Variants in SLC25A38 observed in about 807,000 individuals in gnomAD.
SLC25A38 encodes mitochondrial glycine transporter.
In SLC25A38, 27 loss-of-function variants were observed where a neutral mutation model predicts 33.4. That is an observed-to-expected ratio of 0.81 (90% CI 0.60 to 1.11). SLC25A38 has a LOEUF of 1.11. SLC25A38 is among the 50% of genes most tolerant of loss of function. The pLI is 0.00. For missense variants in SLC25A38, 344 were observed against 388.8 expected (o/e 0.88, Z 0.97); for synonymous variants, 123 against 145.9 (o/e 0.84, Z 1.13).
chr3:39,396,165 G>A (rs552852397), intron 6 of SLC25A38, among the ~76,000 whole-genome samples: 2 of 151,928 alleles, frequency 1.3e-5, no homozygotes, highest in South Asian at 4.2e-4. Context: ...AGCCGAGATC[G>A]CGCCACTGCA....
Position 39,383,603 on chromosome 3 carries a change from G to A in SLC25A38, c.-122G>A, listed in dbSNP as rs936123566. On this transcript the variant is annotated 5_prime_UTR_variant, in exon 1 of 7. Transcript: ENST00000650617. ...TATAGGCGCAGACGTCAGAGAGCCC[G>A]CGGCTTAAAGCGCGTCGCCTGGCTA... The A allele has an allele frequency of 9.7e-6, 11 of 1,131,334 alleles. No individual in the cohort carries two copies. In the African/African-American group the frequency reaches 1.7e-4, roughly 18 times the overall value. The allele number at this position is 1,131,334 out of a possible 1,614,324, so 70.1% of individuals were successfully genotyped here. A position where few individuals can be genotyped will look rare whatever the true frequency, so the allele number is the denominator to read the frequency against.
intron 4 of SLC25A38, 37 bp downstream of exon 4, chr3:39,391,657 G>C (rs774733911): frequency 6.2e-7 from 1 of 1,614,036 alleles, no homozygotes; most frequent in Non-Finnish European, 8.5e-7. Context: ...GGATAGTTCG[G>C]CTTAGCCACT....
Position 39,383,603 on chromosome 3 carries a change from GCGGCT to G in SLC25A38, c.-121_-117del, listed in dbSNP as rs1575239873. ...TATAGGCGCAGACGTCAGAGAGCCCGCGGCTTAAAGCGCGTCGCCTGGCTAGCGCC... is the reference window on the plus strand; with the variant it reads ...TATAGGCGCAGACGTCAGAGAGCCCGTAAAGCGCGTCGCCTGGCTAGCGCC... On this transcript the variant is annotated 5_prime_UTR_variant, in exon 1 of 7. Coordinates refer to ENST00000650617, the MANE Select transcript of SLC25A38 (RefSeq NM_017875.4). 6 of 1,131,452 alleles carry G rather than the reference GCGGCT, an allele frequency of 5.3e-6. No individual in the cohort carries two copies. The East Asian group carries it at 1.5e-4, about 29-fold the overall frequency. The allele number at this position is 1,131,452 out of a possible 1,614,324, so 70.1% of individuals were successfully genotyped here.
intron 4 of SLC25A38, 25 bp downstream of exon 4, chr3:39,391,645 C>T (rs773428608): frequency 6.2e-6 from 10 of 1,614,142 alleles, no homozygotes; most frequent in Non-Finnish European, 8.5e-6. Context: ...TTTAGGGCCT[C>T]AGGATAGTTC....
Position 39,396,073 on chromosome 3 carries a change from G to C in SLC25A38, c.793-325G>C, listed in dbSNP as rs540590194. Among the ~76,000 whole-genome samples, 350 of 152,126 alleles carry C rather than the reference G, an allele frequency of 2.3e-3. 2 individuals carry two copies. Among genetic ancestry groups the C allele is most frequent in the African/African-American group, 8.0e-3 (334 of 41,504 alleles). On this transcript the variant is annotated intron_variant, in intron 6 of 6. Coordinates refer to ENST00000650617, the MANE Select transcript of SLC25A38 (RefSeq NM_017875.4). Reference sequence around the variant, plus strand: ...AAAAATACGAAAATTAGCCGGGCGTGGTGGTGGGCGCCTGTAGTCCCACCT... The same window carrying C: ...AAAAATACGAAAATTAGCCGGGCGTCGTGGTGGGCGCCTGTAGTCCCACCT...
At chr3:39,388,492 T>C (rs1355885988) in intron 1 of SLC25A38, 1 of 152,220 alleles carries the variant, frequency 6.6e-6, no homozygotes, top group Non-Finnish European at 1.5e-5. Flanking sequence ...ATGTGATGTG[T>C]AATGGAAACT....
chr3:39,390,353 G>T, intron 2 of SLC25A38, 70 bp from the exon 3 acceptor site: 1 of 1,475,868 alleles, frequency 6.8e-7, no homozygotes, highest in South Asian at 1.1e-5. Flanking sequence ...GTGTTTGAGT[G>T]GGGAATTGTT....
At position 39,389,358 on chromosome 3, in the gene SLC25A38, C is replaced by A; in HGVS notation, c.70-137C>A. The A allele has an allele frequency of 7.3e-7, 1 of 1,368,184 alleles. No homozygotes were observed. Among genetic ancestry groups the A allele is most frequent in the Non-Finnish European group, 1.0e-6 (1 of 969,386 alleles). 84.8% of individuals were successfully genotyped at this position (1,368,184 alleles called of 1,614,324 possible). On this transcript the variant is annotated intron_variant, in intron 1 of 6. Coordinates refer to ENST00000650617, the MANE Select transcript of SLC25A38 (RefSeq NM_017875.4). The surrounding 1 kb of genome is among the most constrained non-coding windows in gnomAD (Gnocchi z 4.5). Reference sequence around the variant, plus strand: ...TTTCTGGCTATACTTTTTCCTTCTCCGAGGTATGAAGAAAACATGAGGCAC... The same window carrying A: ...TTTCTGGCTATACTTTTTCCTTCTCAGAGGTATGAAGAAAACATGAGGCAC...
chr3:39,386,862 G>A lies in SLC25A38; in HGVS notation c.70-2633G>A, dbSNP rs1253556867. On this transcript the variant is annotated intron_variant, in intron 1 of 6. Transcript: ENST00000650617. ...CACCTTGGAGGAGGAGCTGGTCGGA[G>A]GTGTGGGAGAAAGGTAAGTTCAGGT... Among the ~76,000 whole-genome samples, 3 of 152,192 alleles carry A rather than the reference G, an allele frequency of 2.0e-5. No individual in the cohort carries two copies. The South Asian group carries it at 6.2e-4, about 32-fold the overall frequency.
At chr3:39,383,855 C>G (rs1370984045) in intron 1 of SLC25A38, 62 bp downstream of exon 1, 1 of 1,583,860 alleles carries the variant, frequency 6.3e-7, no homozygotes, top group Non-Finnish European at 8.7e-7. Flanking sequence ...CCGGAGAATT[C>G]GGGGCGTTGC....
chr3:39,387,643 G>A (rs1217720684), intron 1 of SLC25A38, among the ~76,000 whole-genome samples: 1 of 152,178 alleles, frequency 6.6e-6, no homozygotes, highest in Non-Finnish European at 1.5e-5. Flanking sequence ...GCCATTTGAG[G>A]GAAGACAAGG....
Position 39,391,902 on chromosome 3 carries a change from AT to A in SLC25A38, c.507del (p.His170ThrfsTer12). 1.9e-6 allele frequency: 3 copies of A among 1,614,136 alleles called. No individual in the cohort carries two copies. The highest frequency in any genetic ancestry group is 2.5e-6 in the Non-Finnish European group (3 of 1,180,026). On this transcript the variant is annotated frameshift_variant, in exon 5 of 7. Transcript: ENST00000650617. LOFTEE classifies it high-confidence loss of function. Reference sequence around the variant, plus strand: ...ATCTACGCTGCCCTGAGGAGCATCTATCACAGTGAGGGGCACCGGGGCCTCT... The same window carrying A: ...ATCTACGCTGCCCTGAGGAGCATCTACACAGTGAGGGGCACCGGGGCCTCT... ...ESIYAALRSI[Y>X]HSEGHRGLFS...
At chr3:39,390,594 A>G in intron 3 of SLC25A38, 87 bp downstream of exon 3, 1 of 1,363,714 alleles carries the variant, frequency 7.3e-7, no homozygotes, top group Admixed American at 1.7e-5. Context: ...TCTTAAGGAT[A>G]TGTGAGAGTC....
chr3:39,394,029 C>G (rs1358476260), intron 5 of SLC25A38, among the ~76,000 whole-genome samples: 1 of 152,160 alleles, frequency 6.6e-6, no homozygotes, highest in Non-Finnish European at 1.5e-5. Flanking sequence ...GATAGTAACA[C>G]TTTATCACTT....
intron 2 of SLC25A38, 141 bp from the exon 3 acceptor site, chr3:39,390,282 A>C: frequency 1.2e-6 from 1 of 837,956 alleles, no homozygotes; most frequent in Non-Finnish European, 2.0e-6. Flanking sequence ...GAACACATAG[A>C]GTATCTCCAA....
intron 1 of SLC25A38, chr3:39,384,830 TC>T (rs1640754126): frequency 2.6e-6 from 1 of 388,190 alleles, no homozygotes; most frequent in Admixed American, 4.5e-5. Flanking sequence ...AGACAGAGTC[TC>T]GCCCTGTCGC....
intron 5 of SLC25A38, among the ~76,000 whole-genome samples, chr3:39,393,950 A>G (rs1242846450): frequency 1.3e-5 from 2 of 152,254 alleles, no homozygotes; most frequent in Non-Finnish European, 1.5e-5. Flanking sequence ...AGAGGACCAC[A>G]TAAGTGATGT....
At chr3:39,391,395 A>C in intron 3 of SLC25A38, 46 bp from the exon 4 acceptor site, 1 of 1,611,548 alleles carries the variant, frequency 6.2e-7, no homozygotes, top group Non-Finnish European at 8.5e-7. Flanking sequence ...ATAATACTTA[A>C]AGTGTTTGGT....
intron 1 of SLC25A38, chr3:39,384,541 G>T: frequency 2.6e-6 from 1 of 387,660 alleles, no homozygotes. Flanking sequence ...AGGCGGAGAC[G>T]GCGGCGGTGG....
Sources: allele counts gnomAD v4.1 joint callset (sites outside exome capture counted in the v4.1 genomes callset), GRCh38; gene constraint gnomAD v4.1.1; non-coding constraint Gnocchi (gnomAD v3.1); transcripts MANE v1.5; gene names NCBI Gene and HGNC (gene_info 2026-07-23, HGNC 2026-07-21).